The following CNTN1 variants were observed in gnomAD, a reference collection of about 807,000 sequenced individuals.
CNTN1 encodes contactin 1, also known as contactin-1.
CNTN1 carries 38 observed loss-of-function variants against 126.4 expected under a neutral mutation model. That is an observed-to-expected ratio of 0.30 (90% CI 0.23 to 0.39). CNTN1 has a LOEUF of 0.39. Among genes scored for constraint, CNTN1 ranks in the 10% least tolerant of loss-of-function variants. The probability of loss-of-function intolerance (pLI) is 1.00; values close to 1 mark genes in which losing one functional copy is unlikely to be tolerated. For synonymous variants in CNTN1, 413 were observed against 422.6 expected (o/e 0.98, Z 0.28); for missense variants, 1,009 against 1,248.4 (o/e 0.81, Z 2.89).
chr12:40,807,060 G>A (rs560806892), intron 1 of CNTN1, among the ~76,000 whole-genome samples: 21 of 152,136 alleles, frequency 1.4e-4, no homozygotes, highest in Admixed American at 6.6e-4. Flanking sequence ...GAACGGTACA[G>A]AATAGTGATA....
chr12:41,043,381 C>T (rs1425815382), intron 23 of CNTN1, among the ~76,000 whole-genome samples: 1 of 151,926 alleles, frequency 6.6e-6, no homozygotes, highest in African/African-American at 2.4e-5. Flanking sequence ...ATTTATGCAG[C>T]CAAAAAACAT....
intron 16 of CNTN1, among the ~76,000 whole-genome samples, chr12:40,984,271 C>T (rs1267030024): frequency 6.6e-6 from 1 of 152,022 alleles, no homozygotes; most frequent in Non-Finnish European, 1.5e-5. Context: ...TACTTCTAAT[C>T]CTCCTCACTT....
intron 15 of CNTN1, chr12:40,972,723 A>T (rs1947558029): frequency 1.1e-6 from 1 of 902,302 alleles, no homozygotes; most frequent in Middle Eastern, 5.7e-4. Flanking sequence ...ATTAATTGCC[A>T]TTTTTGTAAG....
intron 1 of CNTN1, among the ~76,000 whole-genome samples, chr12:40,802,132 A>C (rs1391977300): frequency 6.6e-6 from 1 of 152,054 alleles, no homozygotes; most frequent in Non-Finnish European, 1.5e-5. Context: ...CAGTTATCTC[A>C]GAATGAAATA....
chr12:41,062,242 GT>G (rs1162708750), intron 23 of CNTN1, among the ~76,000 whole-genome samples: 1 of 152,094 alleles, frequency 6.6e-6, no homozygotes, highest in Non-Finnish European at 1.5e-5. Flanking sequence ...CAAGAAACTG[GT>G]TTGAAGCCAA....
intron 1 of CNTN1, among the ~76,000 whole-genome samples, chr12:40,869,410 A>G (rs1195033019): frequency 6.6e-6 from 1 of 151,760 alleles, no homozygotes; most frequent in Non-Finnish European, 1.5e-5. Flanking sequence ...TTTGGACTAC[A>G]GGTGTATGCC....
chr12:40,855,855 A>G (rs1003533711), intron 1 of CNTN1, among the ~76,000 whole-genome samples: 4 of 152,204 alleles, frequency 2.6e-5, no homozygotes, highest in Non-Finnish European at 5.9e-5. Flanking sequence ...GTCAAAAATT[A>G]TCTTTAATAA....
At chr12:40,724,572 A>C (rs145257404) in intron 1 of CNTN1, among the ~76,000 whole-genome samples, 63 of 152,330 alleles carry the variant, frequency 4.1e-4, no homozygotes, top group Middle Eastern at 3.4e-3. Context: ...AAATAGATAC[A>C]TAAGTTTTTT....
chr12:40,924,819 T>C (rs952921668), intron 6 of CNTN1, among the ~76,000 whole-genome samples, 167 bp downstream of exon 6: 22 of 148,698 alleles, frequency 1.5e-4, no homozygotes, highest in Non-Finnish European at 3.0e-4. Flanking sequence ...GTGGACACTT[T>C]CTTTCTTGGC....
intron 1 of CNTN1, among the ~76,000 whole-genome samples, chr12:40,843,414 A>C (rs956192928): frequency 6.6e-6 from 1 of 152,188 alleles, no homozygotes; most frequent in African/African-American, 2.4e-5. Context: ...TTAGGGATAA[A>C]AGTAATTAAA....
chr12:40,887,010 T>C (rs1487948712), intron 1 of CNTN1, among the ~76,000 whole-genome samples: 5 of 152,180 alleles, frequency 3.3e-5, no homozygotes, highest in South Asian at 2.1e-4. Context: ...GTGATGCCTC[T>C]GGCTTTGTTC....
chr12:40,887,988 G>A (rs1944104245), intron 1 of CNTN1, among the ~76,000 whole-genome samples: 1 of 138,004 alleles, frequency 7.2e-6, no homozygotes, highest in African/African-American at 2.7e-5. Flanking sequence ...CACAGGAAGG[G>A]GAACATCACA....
chr12:41,023,669 T>C (rs1343189868), intron 20 of CNTN1, among the ~76,000 whole-genome samples: 1 of 152,216 alleles, frequency 6.6e-6, no homozygotes, highest in Non-Finnish European at 1.5e-5. Flanking sequence ...ATGACTGATT[T>C]CAGTCATCAT....
Position 40,933,840 on chromosome 12 carries a change from G to A in CNTN1, c.947G>A (p.Arg316Lys). The A allele has an allele frequency of 6.2e-7, 1 of 1,612,430 alleles. No individual in the cohort carries two copies. Among genetic ancestry groups the A allele is most frequent in the Non-Finnish European group, 8.5e-7 (1 of 1,178,848 alleles). Residue 316 changes from arginine to lysine, a missense_variant, in exon 9 of 24, where the codon AGA becomes AAA. Arg to Lys is a conservative substitution (Grantham distance 26). Transcript: ENST00000551295. ...GIYECEAENI[R>K]GKDKHQARIY... is the part of the protein sequence containing the mutation. ...TATGAATGTGAGGCTGAGAACATTA[G>A]AGGAAAGGATAAACATCAAGCAAGA... is the stretch of plus-strand genomic sequence containing the variant.
rs1276373757 is a variant in CNTN1, at chr12:40,966,036, A to ACACG, written c.1804+6809_1804+6812dup. On this transcript the variant is annotated intron_variant, in intron 15 of 23. Transcript: ENST00000551295. ...CACACACACACACACACACACACACACACGCACGCATTGGAAGAGATCCAG... is the reference window on the plus strand; with the variant it reads ...CACACACACACACACACACACACACACACGCACGCACGCATTGGAAGAGATCCAG... Among the ~76,000 whole-genome samples, 239 of 149,304 alleles carry ACACG rather than the reference A, an allele frequency of 1.6e-3. 3 individuals carry two copies. Among genetic ancestry groups the ACACG allele is most frequent in the Middle Eastern group, 0.01 (3 of 288 alleles).
At chr12:40,826,823 A>T (rs1941627996) in intron 1 of CNTN1, among the ~76,000 whole-genome samples, 1 of 152,136 alleles carries the variant, frequency 6.6e-6, no homozygotes, top group African/African-American at 2.4e-5. Context: ...TTTCACTTTG[A>T]TTTTACAAAT....
At chr12:40,972,341 T>C (rs1454703745) in intron 15 of CNTN1, 2 of 985,050 alleles carry the variant, frequency 2.0e-6, no homozygotes, top group African/African-American at 1.7e-5. Context: ...TTAAATGTTA[T>C]TGTTTGAAAA....
intron 7 of CNTN1, among the ~76,000 whole-genome samples, chr12:40,932,131 A>G (rs1271424492): frequency 6.6e-6 from 1 of 151,838 alleles, no homozygotes; most frequent in Non-Finnish European, 1.5e-5. Context: ...CCAAGTCCCA[A>G]TGGTAGTTAC....
chr12:40,799,538 C>G (rs568843317), intron 1 of CNTN1, among the ~76,000 whole-genome samples: 2 of 151,858 alleles, frequency 1.3e-5, no homozygotes, highest in Non-Finnish European at 1.5e-5. Context: ...CTACACTTGG[C>G]TCTCCTTGTG....
Sources: allele counts gnomAD v4.1 joint callset (sites outside exome capture counted in the v4.1 genomes callset), GRCh38; gene constraint gnomAD v4.1.1; transcripts MANE v1.5; gene names NCBI Gene and HGNC (gene_info 2026-07-23, HGNC 2026-07-21).